The following TRDN variants were observed in gnomAD, a reference collection of about 807,000 sequenced individuals.
The protein encoded by TRDN is triadin in skeletal muscle.
TRDN carries 161 observed loss-of-function variants against 149.7 expected under a neutral mutation model. The observed-to-expected ratio is 1.08, with a 90% CI of 0.95 to 1.23. The LOEUF is 1.23. TRDN is among the 50% of genes most tolerant of loss of function. The pLI, the probability that TRDN is intolerant of heterozygous loss-of-function variation, is 0.00. For synonymous variants in TRDN, 294 were observed against 250.5 expected (o/e 1.17, Z -1.64); for missense variants, 896 against 823.5 (o/e 1.09, Z -1.08).
chr6:123,471,073 A>G (rs150434785), intron 9 of TRDN: 1 of 152,352 alleles, frequency 6.6e-6, no homozygotes, highest in African/African-American at 2.4e-5. Flanking sequence ...ATAAGGAATG[A>G]CTTTCGGAGT....
At chr6:123,592,020 A>C (rs1441334734) in intron 1 of TRDN, among the ~76,000 whole-genome samples, 1 of 152,088 alleles carries the variant, frequency 6.6e-6, no homozygotes, top group East Asian at 1.9e-4. Context: ...AAAAGAACCA[A>C]TTTTCTGAAG....
At chr6:123,527,021 A>G (rs76889918) in intron 5 of TRDN, among the ~76,000 whole-genome samples, 9,933 of 152,074 alleles carry the variant, frequency 0.065, 1,090 homozygotes, top group African/African-American at 0.23. Context: ...CCCATTTTAC[A>G]GATGATGAAA....
intron 38 of TRDN, among the ~76,000 whole-genome samples, chr6:123,225,650 G>A (rs1046956831): frequency 1.2e-4 from 18 of 151,478 alleles, no homozygotes; most frequent in African/African-American, 4.1e-4. Flanking sequence ...ATATCACATT[G>A]TATATCAAAT....
At chr6:123,546,378 A>T (rs573277223) in intron 4 of TRDN, among the ~76,000 whole-genome samples, 10 of 152,068 alleles carry the variant, frequency 6.6e-5, no homozygotes, top group Non-Finnish European at 1.5e-4. Flanking sequence ...AGTGGATTTT[A>T]CCCCAGATAG....
At chr6:123,347,002 TAAG>T (rs1396269206) in intron 21 of TRDN, among the ~76,000 whole-genome samples, 1 of 151,520 alleles carries the variant, frequency 6.6e-6, no homozygotes, top group African/African-American at 2.4e-5. Flanking sequence ...AAAAAAAACA[TAAG>T]AATACCATGG....
intron 32 of TRDN, 87 bp from the exon 33 acceptor site, chr6:123,265,425 T>G (rs1776907768): frequency 1.2e-6 from 1 of 842,364 alleles, no homozygotes; most frequent in African/African-American, 1.8e-5. Flanking sequence ...TTCCTATTTT[T>G]GCTTTTTATT....
At chr6:123,438,476 G>T (rs1027377541) in intron 11 of TRDN, among the ~76,000 whole-genome samples, 23 of 152,128 alleles carry the variant, frequency 1.5e-4, no homozygotes, top group African/African-American at 5.6e-4. Flanking sequence ...CCAGAACCAT[G>T]TCAAAAGTTC....
intron 24 of TRDN, 63 bp from the exon 25 acceptor site, chr6:123,279,145 T>C: frequency 7.9e-7 from 1 of 1,268,956 alleles, no homozygotes; most frequent in Non-Finnish European, 1.1e-6. Flanking sequence ...ATTAACATTA[T>C]TGAATATGAT....
intron 1 of TRDN, among the ~76,000 whole-genome samples, chr6:123,577,675 G>T (rs979552950): frequency 6.6e-6 from 1 of 152,128 alleles, no homozygotes; most frequent in South Asian, 2.1e-4. Flanking sequence ...GGATTGCTGG[G>T]TTGAATGAGT....
chr6:123,564,251 T>C (rs1398969380), intron 2 of TRDN, among the ~76,000 whole-genome samples: 1 of 151,930 alleles, frequency 6.6e-6, no homozygotes, highest in Non-Finnish European at 1.5e-5. Flanking sequence ...GAGCAGAAAA[T>C]ATGGAATTTG....
At chr6:123,244,210 C>T (rs1455404959) in intron 38 of TRDN, among the ~76,000 whole-genome samples, 3 of 152,172 alleles carry the variant, frequency 2.0e-5, no homozygotes, top group Middle Eastern at 3.4e-3. Context: ...CACAACTCCT[C>T]GCCAGCAAGG....
chr6:123,327,001 A>C (rs1384404598), intron 23 of TRDN, among the ~76,000 whole-genome samples: 1 of 152,074 alleles, frequency 6.6e-6, no homozygotes, highest in African/African-American at 2.4e-5. Context: ...AAAGCTATAT[A>C]TATTCTTCTC....
chr6:123,271,071 G>T, intron 30 of TRDN, 68 bp downstream of exon 30: 3 of 884,386 alleles, frequency 3.4e-6, no homozygotes, highest in Non-Finnish European at 5.0e-6. Context: ...GTGTCTGCAT[G>T]CACACATATG....
At chr6:123,436,925 T>C (rs1339998633) in intron 12 of TRDN, among the ~76,000 whole-genome samples, 1 of 152,188 alleles carries the variant, frequency 6.6e-6, no homozygotes, top group Non-Finnish European at 1.5e-5. Flanking sequence ...GGAATGGTTC[T>C]AATGGTAGAA....
intron 12 of TRDN, among the ~76,000 whole-genome samples, chr6:123,402,917 C>G (rs907173312): frequency 2.0e-5 from 3 of 152,144 alleles, no homozygotes; most frequent in African/African-American, 7.2e-5. Flanking sequence ...TAGGTTTTAA[C>G]ATAATTTAAC....
intron 1 of TRDN, among the ~76,000 whole-genome samples, chr6:123,597,991 T>A (rs1465351325): frequency 6.6e-6 from 1 of 151,972 alleles, no homozygotes; most frequent in African/African-American, 2.4e-5. Flanking sequence ...CCTATGAAAA[T>A]AAAGAATAAT....
At chr6:123,622,342 CACACAG>C (rs749011267) in intron 1 of TRDN, among the ~76,000 whole-genome samples, 9,478 of 87,732 alleles carry the variant, frequency 0.11, 313 homozygotes, top group African/African-American at 0.13. Context: ...CACACACACA[CACACAG>C]GCACACGCAC....
chr6:123,392,135 C>G (rs1772504777), intron 13 of TRDN, among the ~76,000 whole-genome samples: 1 of 151,988 alleles, frequency 6.6e-6, no homozygotes, highest in African/African-American at 2.4e-5. Flanking sequence ...ATAATTCTAA[C>G]AAGACTTTGA....
intron 9 of TRDN, among the ~76,000 whole-genome samples, chr6:123,484,305 A>G (rs561976871): frequency 6.6e-6 from 1 of 152,284 alleles, no homozygotes; most frequent in African/African-American, 2.4e-5. Flanking sequence ...GCATTTATGG[A>G]AATGGTTAGA....
Sources: allele counts gnomAD v4.1 joint callset (sites outside exome capture counted in the v4.1 genomes callset), GRCh38; gene constraint gnomAD v4.1.1; transcripts MANE v1.5; gene names NCBI Gene and HGNC (gene_info 2026-07-23, HGNC 2026-07-21).